Variants in PCM1 observed in about 807,000 individuals in gnomAD.
PCM1 encodes the protein pericentriolar material 1 protein.
A neutral mutation model predicts 241.9 loss-of-function variants in PCM1; 157 were observed. That is an observed-to-expected ratio of 0.65 (90% confidence interval 0.57 to 0.74). The LOEUF is 0.74. Among genes scored for constraint, PCM1 ranks in the 30% least tolerant of loss-of-function variants. The probability of loss-of-function intolerance (pLI) is 0.00; values close to 1 mark genes in which losing one functional copy is unlikely to be tolerated. For synonymous variants in PCM1, 1,085 were observed against 784.9 expected (o/e 1.38, Z -6.39); for missense variants, 3,478 against 2,360.1 (o/e 1.47, Z -9.81).
rs1311199678 is a variant in PCM1, at chr8:18,013,999, C to CA, written c.5552dup (p.Asn1851LysfsTer10). ...GTGACTTTAAAAAGACAGCAGAAAG[C>CA]AAAAATGTCCCATTGGAACGAGAAG... On this transcript the variant is annotated frameshift_variant, in exon 35 of 39. Coordinates refer to ENST00000325083, the MANE Select transcript of PCM1 (RefSeq NM_006197.4). LOFTEE classifies it high-confidence loss of function. 1 of 1,598,674 alleles carries CA rather than the reference C, an allele frequency of 6.3e-7. No homozygotes were observed. The highest frequency in any genetic ancestry group is 1.1e-5 in the South Asian group (1 of 87,826).
intron 36 of PCM1, among the ~76,000 whole-genome samples, chr8:18,018,179 T>A (rs970985429): frequency 6.6e-5 from 10 of 152,214 alleles, no homozygotes; most frequent in Non-Finnish European, 1.2e-4. Flanking sequence ...TGACACTAAA[T>A]TGAGAGGGCA....
At chr8:18,019,380 A>G (rs181542427) in intron 36 of PCM1, among the ~76,000 whole-genome samples, 4 of 152,296 alleles carry the variant, frequency 2.6e-5, no homozygotes, top group Admixed American at 2.0e-4. Flanking sequence ...CAATTTTTCC[A>G]TGGACTGGGG....
At position 17,964,588 on chromosome 8, in the gene PCM1, G is replaced by T. The variant is rs1453736145; in HGVS notation, c.2675G>T (p.Gly892Val). The change falls in exon 18 of 39, where the codon GGG becomes GTG. Residue 892 changes from glycine (G) to valine (V), a missense_variant. Gly to Val is a moderately radical substitution (Grantham distance 109). Transcript: ENST00000325083. ...ACTAGAACGATGGCAACTTGGGGAG[G>T]GTCTACCCAGTGTGCACTAGATGAA... ...RTEKTMATWG[G>V]STQCALDEEG... The T allele has an allele frequency of 1.9e-6, 3 of 1,613,630 alleles. No individual in the cohort carries two copies. Among genetic ancestry groups the T allele is most frequent in the Admixed American group, 1.7e-5 (1 of 59,990 alleles).
At chr8:17,941,525 TG>T (rs1767064301) in intron 6 of PCM1, among the ~76,000 whole-genome samples, 1 of 150,946 alleles carries the variant, frequency 6.6e-6, no homozygotes, top group Non-Finnish European at 1.5e-5. Flanking sequence ...GATTGATTTT[TG>T]TTTTTTTTTT....
chr8:17,929,128 T>G (rs1351184143), intron 2 of PCM1, among the ~76,000 whole-genome samples: 2 of 152,166 alleles, frequency 1.3e-5, no homozygotes, highest in Admixed American at 6.5e-5. Flanking sequence ...TCACTACCCC[T>G]GCTGAAATTT....
chr8:17,987,143 T>G (rs2082871811), intron 26 of PCM1, among the ~76,000 whole-genome samples: 1 of 151,912 alleles, frequency 6.6e-6, no homozygotes, highest in South Asian at 2.1e-4. Context: ...TGGTTTTAAT[T>G]AACTTTGCAA....
intron 18 of PCM1, among the ~76,000 whole-genome samples, chr8:17,965,380 AAC>A (rs2129469403): frequency 6.6e-6 from 1 of 152,326 alleles, no homozygotes; most frequent in East Asian, 1.9e-4. Flanking sequence ...TGTTACGGAT[AAC>A]AAAAGACATT....
intron 29 of PCM1, among the ~76,000 whole-genome samples, chr8:17,995,652 G>C (rs753965321): frequency 2.7e-5 from 4 of 149,730 alleles, no homozygotes; most frequent in Non-Finnish European, 5.9e-5. Flanking sequence ...AGATTGCTTC[G>C]GGGAGTACAG....
chr8:17,960,081 A>T lies in PCM1; in HGVS notation c.2108A>T (p.Glu703Val). Residue 703 changes from glutamate to valine, a missense_variant, in exon 14 of 39, where the codon GAA becomes GTA. Glu to Val is a moderately radical substitution (Grantham distance 121, BLOSUM62 -2). Coordinates refer to ENST00000325083, the MANE Select transcript of PCM1 (RefSeq NM_006197.4). ...AATTTGGATGATTTCTACCCAGCAG[A>T]AGAAGACACCAAGCAAAATTCAAAT... ...ASNLDDFYPA[E>V]EDTKQNSNNT... The T allele has an allele frequency of 6.2e-7, 1 of 1,611,202 alleles. No homozygotes were observed. Among genetic ancestry groups the T allele is most frequent in the Non-Finnish European group, 8.5e-7 (1 of 1,178,288 alleles).
intron 16 of PCM1, among the ~76,000 whole-genome samples, chr8:17,962,470 T>C (rs1272735781): frequency 6.6e-6 from 1 of 152,134 alleles, no homozygotes; most frequent in African/African-American, 2.4e-5. Context: ...TTGGCAGAAA[T>C]ATATAGGGGG....
intron 36 of PCM1, among the ~76,000 whole-genome samples, chr8:18,019,564 A>G (rs887559080): frequency 2.6e-5 from 4 of 152,138 alleles, no homozygotes; most frequent in African/African-American, 9.7e-5. Context: ...ATGATGAGAG[A>G]TAATGACACA....
chr8:17,941,467 A>G (rs1164371571), intron 6 of PCM1, among the ~76,000 whole-genome samples: 1 of 151,960 alleles, frequency 6.6e-6, no homozygotes, highest in Non-Finnish European at 1.5e-5. Context: ...AGTCTAGTCT[A>G]CAGAAAACTT....
At chr8:17,945,274 C>A (rs934437129) in intron 6 of PCM1, among the ~76,000 whole-genome samples, 37 of 152,022 alleles carry the variant, frequency 2.4e-4, no homozygotes, top group African/African-American at 8.9e-4. Context: ...TAAATATTTA[C>A]AAGGTAACTC....
At chr8:17,923,507 A>G (rs1020815676) in intron 1 of PCM1, among the ~76,000 whole-genome samples, 1 of 151,902 alleles carries the variant, frequency 6.6e-6, no homozygotes, top group Non-Finnish European at 1.5e-5. Flanking sequence ...CTCCGGCTAT[A>G]CCCCTTGCGG....
At chr8:17,973,809 T>G (rs2129472666) in intron 23 of PCM1, among the ~76,000 whole-genome samples, 1 of 152,274 alleles carries the variant, frequency 6.6e-6, no homozygotes, top group East Asian at 1.9e-4. Context: ...CTAACTCCCT[T>G]TCTTGGAAGT....
chr8:17,958,421 A>G (rs2069776608), intron 13 of PCM1, among the ~76,000 whole-genome samples: 2 of 152,192 alleles, frequency 1.3e-5, no homozygotes, highest in African/African-American at 2.4e-5. Context: ...ATTAACTATA[A>G]TGTACAATTG....
intron 31 of PCM1, 150 bp downstream of exon 31, chr8:18,009,894 A>G: frequency 2.1e-6 from 1 of 481,836 alleles, no homozygotes; most frequent in East Asian, 3.4e-5. Flanking sequence ...TACATATGCT[A>G]GTCACTTGTG....
chr8:18,022,876 G>A (rs2093871027), intron 36 of PCM1, among the ~76,000 whole-genome samples: 1 of 152,164 alleles, frequency 6.6e-6, no homozygotes, highest in Middle Eastern at 3.2e-3. Flanking sequence ...GAATACCCCT[G>A]TAGTTTCACT....
chr8:17,926,120 G>C, intron 2 of PCM1: 1 of 151,868 alleles, frequency 6.6e-6, no homozygotes, highest in Non-Finnish European at 1.5e-5. Flanking sequence ...CTGTATGGTG[G>C]GCTTTAGTAA....
Sources: allele counts gnomAD v4.1 joint callset (sites outside exome capture counted in the v4.1 genomes callset), GRCh38; gene constraint gnomAD v4.1.1; transcripts MANE v1.5; gene names NCBI Gene and HGNC (gene_info 2026-07-23, HGNC 2026-07-21).